RARB: variants seen among roughly 807,000 people sequenced by gnomAD.
RARB encodes HBV-activated protein.
In RARB, 17 loss-of-function variants were observed where a neutral mutation model predicts 51.9. The ratio of observed to expected loss-of-function variants is 0.33; its 90% confidence interval spans 0.22 to 0.49. The LOEUF is 0.49. Ranked by LOEUF, RARB falls within the 20% of genes least tolerant of loss-of-function variation. The probability of loss-of-function intolerance (pLI) is 0.99; values close to 1 mark genes in which losing one functional copy is unlikely to be tolerated. For missense variants in RARB, 369 were observed against 550.8 expected (o/e 0.67, Z 3.30); for synonymous variants, 215 against 195.4 (o/e 1.10, Z -0.84).
chr3:25,446,398 C>G (rs1205077801), intron 1 of RARB, among the ~76,000 whole-genome samples: 1 of 152,248 alleles, frequency 6.6e-6, no homozygotes, highest in Non-Finnish European at 1.5e-5. Context: ...CTGTGACTGC[C>G]TTCCCCCATG....
intron 3 of RARB, among the ~76,000 whole-genome samples, chr3:25,548,101 CTTTTTTT>C (rs66817079): frequency 7.9e-6 from 1 of 126,298 alleles, no homozygotes; most frequent in Non-Finnish European, 1.7e-5. Flanking sequence ...ATTCATTTGG[CTTTTTTT>C]TTTTTTTTTT....
intron 3 of RARB, among the ~76,000 whole-genome samples, chr3:25,126,442 C>CT (rs35016301): frequency 0.034 from 4,884 of 145,502 alleles, 199 homozygotes; most frequent in African/African-American, 0.1. Flanking sequence ...AAAACAATCT[C>CT]TTTTTTTTTT....
intron 5 of RARB, among the ~76,000 whole-genome samples, chr3:25,371,590 G>A (rs1706300755): frequency 6.6e-6 from 1 of 152,164 alleles, no homozygotes; most frequent in Admixed American, 6.5e-5. Flanking sequence ...GAGATGAGGA[G>A]GGCACTTTTC....
chr3:25,377,159 TTAA>T (rs1706487836), intron 5 of RARB, among the ~76,000 whole-genome samples: 1 of 151,234 alleles, frequency 6.6e-6, no homozygotes, highest in Admixed American at 6.6e-5. Context: ...GTAAATTGTG[TTAA>T]TAACAGATTC....
At chr3:24,858,005 T>C (rs1300491233) in intron 1 of RARB, among the ~76,000 whole-genome samples, 2 of 152,208 alleles carry the variant, frequency 1.3e-5, no homozygotes, top group Non-Finnish European at 2.9e-5. Context: ...AGGCAAGTTA[T>C]TTAGCTTCCC....
At chr3:25,393,100 G>A (rs1294921613) in intron 5 of RARB, among the ~76,000 whole-genome samples, 2 of 152,022 alleles carry the variant, frequency 1.3e-5, no homozygotes, top group Non-Finnish European at 1.5e-5. Context: ...ATCAAAAAAC[G>A]ATGCTGGATT....
chr3:25,030,554 A>G (rs1232576353), intron 2 of RARB, among the ~76,000 whole-genome samples: 4 of 152,240 alleles, frequency 2.6e-5, no homozygotes, highest in Admixed American at 2.0e-4. Flanking sequence ...TATAATTTGT[A>G]TTATGTTATC....
intron 2 of RARB, among the ~76,000 whole-genome samples, chr3:25,015,759 A>G (rs1697494778): frequency 6.6e-6 from 1 of 152,156 alleles, no homozygotes; most frequent in Admixed American, 6.6e-5. Context: ...GTGCTTTTAG[A>G]CTATATGCAT....
chr3:24,892,752 T>C (rs1196840510), intron 2 of RARB, among the ~76,000 whole-genome samples: 1 of 152,232 alleles, frequency 6.6e-6, no homozygotes, highest in Non-Finnish European at 1.5e-5. Flanking sequence ...TTCCAGCATG[T>C]ATGTATGTGT....
intron 3 of RARB, among the ~76,000 whole-genome samples, chr3:25,085,648 T>A (rs1315290072): frequency 6.6e-6 from 1 of 152,188 alleles, no homozygotes; most frequent in African/African-American, 2.4e-5. Context: ...TATTTATAAA[T>A]CAGATTTTTT....
chr3:24,943,196 G>T (rs981145788), intron 2 of RARB, among the ~76,000 whole-genome samples: 17 of 152,130 alleles, frequency 1.1e-4, no homozygotes, highest in Admixed American at 1.0e-3. Context: ...AAATACTTCC[G>T]AGTTTAGGGG....
At chr3:25,296,233 C>T (rs1329160157) in intron 5 of RARB, among the ~76,000 whole-genome samples, 1 of 152,144 alleles carries the variant, frequency 6.6e-6, no homozygotes, top group Non-Finnish European at 1.5e-5. Context: ...TCCTCTCAAA[C>T]CCACAGTAGA....
chr3:24,910,637 G>GT (rs1456151622), intron 2 of RARB, among the ~76,000 whole-genome samples: 1 of 152,088 alleles, frequency 6.6e-6, no homozygotes, highest in Admixed American at 6.5e-5. Context: ...TGGTCTGGTA[G>GT]TTTTTTCTCA....
At chr3:25,450,796 C>G (rs1380035269) in intron 1 of RARB, among the ~76,000 whole-genome samples, 1 of 152,002 alleles carries the variant, frequency 6.6e-6, no homozygotes, top group Non-Finnish European at 1.5e-5. Flanking sequence ...GGCTAAAAAC[C>G]CCTACCCGGC....
In RARB at chr3:25,464,213, A is replaced by G. The variant is rs371069999; in HGVS notation, c.306+2872A>G. ...GCGTACCTGCTCTCATCATTATCCA[A>G]CGTGTCTCTGTGGCACATACTAGGA... is the stretch of plus-strand genomic sequence containing the variant. On this transcript the variant is annotated intron_variant, in intron 2 of 7. Transcript: ENST00000330688. Among the ~76,000 whole-genome samples, 43 of 151,920 alleles carry G rather than the reference A, an allele frequency of 2.8e-4. 1 individual carries two copies. The South Asian group carries it at 8.8e-3, about 31-fold the overall frequency.
chr3:24,925,510 T>G (rs949242229), intron 2 of RARB, among the ~76,000 whole-genome samples: 7 of 151,668 alleles, frequency 4.6e-5, no homozygotes, highest in Non-Finnish European at 1.0e-4. Context: ...GGGCATGGTG[T>G]GCATATCTGT....
At chr3:25,061,291 G>T (rs1427461661) in intron 3 of RARB, among the ~76,000 whole-genome samples, 1 of 151,756 alleles carries the variant, frequency 6.6e-6, no homozygotes, top group Non-Finnish European at 1.5e-5. Context: ...TAATAGCAAA[G>T]GTAAACATAT....
intron 2 of RARB, among the ~76,000 whole-genome samples, chr3:24,907,134 C>A (rs76507337): frequency 0.053 from 8,076 of 152,046 alleles, 383 homozygotes; most frequent in East Asian, 0.17. Context: ...AGAATACTTA[C>A]GGTAGTTGAA....
chr3:25,195,564 G>A (rs904995670), intron 5 of RARB, among the ~76,000 whole-genome samples: 5 of 151,904 alleles, frequency 3.3e-5, no homozygotes, highest in African/African-American at 1.2e-4. Flanking sequence ...CAACTTTACT[G>A]AATTCCCAAG....
Sources: allele counts gnomAD v4.1 joint callset (sites outside exome capture counted in the v4.1 genomes callset), GRCh38; gene constraint gnomAD v4.1.1; transcripts MANE v1.5; gene names NCBI Gene and HGNC (gene_info 2026-07-23, HGNC 2026-07-21).